The following TBCK variants were observed in gnomAD, a reference collection of about 807,000 sequenced individuals.
TBCK encodes TBC1 domain containing kinase, also known as TBC domain-containing protein kinase-like protein.
A neutral mutation model predicts 113.4 loss-of-function variants in TBCK; 99 were observed. The ratio of observed to expected loss-of-function variants is 0.87; its 90% CI spans 0.74 to 1.03. The LOEUF is 1.03. TBCK is among the 50% of genes least tolerant of loss of function. The probability of loss-of-function intolerance (pLI) is 0.00; values close to 1 mark genes in which losing one functional copy is unlikely to be tolerated. For synonymous variants in TBCK, 369 were observed against 370.8 expected (o/e 1.00, Z 0.05); for missense variants, 1,045 against 1,061.3 (o/e 0.98, Z 0.21).
intron 20 of TBCK, among the ~76,000 whole-genome samples, chr4:106,195,611 C>T (rs1754142244): frequency 6.6e-6 from 1 of 151,868 alleles, no homozygotes; most frequent in African/African-American, 2.4e-5. Flanking sequence ...CAACTGAGAG[C>T]CTGAACAAAA....
At chr4:106,268,329 A>G (rs943381207) in intron 3 of TBCK, among the ~76,000 whole-genome samples, 1 of 152,066 alleles carries the variant, frequency 6.6e-6, no homozygotes, top group Non-Finnish European at 1.5e-5. Flanking sequence ...TTATTTCTAT[A>G]TAAGCTTGTC....
intron 19 of TBCK, among the ~76,000 whole-genome samples, chr4:106,222,874 G>C (rs1055227471): frequency 1.3e-5 from 2 of 152,010 alleles, no homozygotes; most frequent in Admixed American, 6.6e-5. Flanking sequence ...TGGAAAGAAG[G>C]GGTTCAAAAG....
chr4:106,202,947 A>G (rs974726330), intron 20 of TBCK, among the ~76,000 whole-genome samples: 1 of 152,088 alleles, frequency 6.6e-6, no homozygotes, highest in African/African-American at 2.4e-5. Context: ...AATAAATGCT[A>G]TAAGTGTATG....
intron 23 of TBCK, among the ~76,000 whole-genome samples, chr4:106,139,644 A>C (rs112896797): frequency 2.1e-5 from 3 of 141,120 alleles, no homozygotes; most frequent in African/African-American, 7.5e-5. Context: ...TTTTTATGAG[A>C]TCAGAAAGGT....
intron 3 of TBCK, among the ~76,000 whole-genome samples, chr4:106,285,136 CA>C (rs2125803232): frequency 6.6e-6 from 1 of 152,164 alleles, no homozygotes. Flanking sequence ...GCAGCTGTCT[CA>C]AAATTAATTC....
chr4:106,046,643 AT>A lies in TBCK; in HGVS notation c.2608del (p.Ile870SerfsTer4). On this transcript the variant is annotated frameshift_variant, in exon 26 of 26. Transcript: ENST00000394708. LOFTEE classifies it high-confidence loss of function. The part of the protein sequence containing the change: ...AHLVKMKYPR[I>X]CILDGGINKI... ...ATTAATGCCACCATCTAGAATACAGATTCTTGGATATTTCATCTTCACAAGG... is the reference window on the plus strand; with the variant it reads ...ATTAATGCCACCATCTAGAATACAGATCTTGGATATTTCATCTTCACAAGG... 6.2e-7 allele frequency: 1 copy of A among 1,612,376 alleles called. No individual in the cohort carries two copies. Among genetic ancestry groups the A allele is most frequent in the Non-Finnish European group, 8.5e-7 (1 of 1,178,830 alleles).
intron 12 of TBCK, among the ~76,000 whole-genome samples, chr4:106,239,685 CAAA>C (rs1759875412): frequency 6.6e-6 from 1 of 151,822 alleles, no homozygotes; most frequent in South Asian, 2.1e-4. Context: ...GATTTAAAAA[CAAA>C]ATAAACAACC....
chr4:106,251,786 T>C, intron 6 of TBCK, 80 bp downstream of exon 6: 2 of 1,244,306 alleles, frequency 1.6e-6, no homozygotes, highest in South Asian at 2.5e-5. Flanking sequence ...AAACATACTA[T>C]TATTAACTTT....
At chr4:106,272,659 T>C (rs7693156) in intron 3 of TBCK, among the ~76,000 whole-genome samples, 6 of 148,724 alleles carry the variant, frequency 4.0e-5, no homozygotes, top group African/African-American at 1.5e-4. Flanking sequence ...ACCCAGCTAA[T>C]TTTTTTTTTG....
At position 106,236,716 on chromosome 4, in the gene TBCK, A is replaced by T. The variant is rs551579752; in HGVS notation, c.1220+43T>A. Reference sequence around the variant, plus strand: ...TAAAATTCTTATAAATCTAATATAAATAGAAAGAAAAATAAATCTAAAATG... The same window carrying T: ...TAAAATTCTTATAAATCTAATATAATTAGAAAGAAAAATAAATCTAAAATG... On this transcript the variant is annotated intron_variant, in intron 13 of 25. Coordinates refer to ENST00000394708, the MANE Select transcript of TBCK (RefSeq NM_001163435.3). 715 of 1,189,766 alleles carry T rather than the reference A, an allele frequency of 6.0e-4. 1 individual carries two copies. Among genetic ancestry groups the T allele is most frequent in the Non-Finnish European group, 7.7e-4 (682 of 881,532 alleles). 73.7% of individuals were successfully genotyped at this position (1,189,766 alleles called of 1,614,324 possible). A position where few individuals can be genotyped will look rare whatever the true frequency, so the allele number is the denominator to read the frequency against.
At chr4:106,168,605 C>G (rs1340792914) in intron 23 of TBCK, among the ~76,000 whole-genome samples, 1 of 151,638 alleles carries the variant, frequency 6.6e-6, no homozygotes, top group African/African-American at 2.4e-5. Flanking sequence ...AGGAACTGAG[C>G]AAAAAACTGG....
intron 3 of TBCK, among the ~76,000 whole-genome samples, chr4:106,277,072 T>C (rs1764110707): frequency 6.6e-6 from 1 of 152,054 alleles, no homozygotes; most frequent in South Asian, 2.1e-4. Flanking sequence ...TATGAATACC[T>C]AATAAGCACA....
At chr4:106,171,410 A>AC (rs1046540167) in intron 22 of TBCK, 140 bp from the exon 23 acceptor site, 10 of 629,074 alleles carry the variant, frequency 1.6e-5, no homozygotes, top group Middle Eastern at 4.3e-4. Flanking sequence ...AGTAAAAAAA[A>AC]CAATGTATAT....
intron 5 of TBCK, chr4:106,255,066 T>C (rs1405976030): frequency 3.0e-6 from 1 of 334,478 alleles, no homozygotes. Flanking sequence ...TTATTGAAAA[T>C]AGATAAGATA....
chr4:106,183,570 T>C (rs1752655013), intron 22 of TBCK, among the ~76,000 whole-genome samples: 1 of 152,088 alleles, frequency 6.6e-6, no homozygotes, highest in South Asian at 2.1e-4. Flanking sequence ...CAGTGCATAA[T>C]ACTGTGCCTG....
chr4:106,048,100 T>C (rs1218519368), intron 25 of TBCK, among the ~76,000 whole-genome samples: 1 of 152,156 alleles, frequency 6.6e-6, no homozygotes. Context: ...TTCTGCTTTA[T>C]TGATCTGGGG....
chr4:106,142,071 T>TA lies in TBCK; in HGVS notation c.2236-25694dup, dbSNP rs1467392010. On this transcript the variant is annotated intron_variant, in intron 23 of 25. Coordinates refer to ENST00000394708, the MANE Select transcript of TBCK (RefSeq NM_001163435.3). ...ATGGGTTATCCAAGAAAATAAAGATTATTTTTATTAACTAATTCAAATATC... is the reference window on the plus strand; with the variant it reads ...ATGGGTTATCCAAGAAAATAAAGATTAATTTTTATTAACTAATTCAAATATC... 5.6e-5 allele frequency among the ~76,000 whole-genome samples: 8 copies of TA among 142,106 alleles called. 2 individuals are homozygous for TA. In the South Asian group the frequency reaches 1.7e-3, roughly 30 times the overall value. The allele number at this position is 142,106 out of a possible 152,430, so 93.2% of individuals were successfully genotyped here. A position where few individuals can be genotyped will look rare whatever the true frequency, so the allele number is the denominator to read the frequency against.
At chr4:106,057,665 C>T (rs544276085) in intron 25 of TBCK, among the ~76,000 whole-genome samples, 1 of 151,812 alleles carries the variant, frequency 6.6e-6, no homozygotes, top group South Asian at 2.1e-4. Flanking sequence ...TACTGAAATC[C>T]TACCCATAGT....
chr4:106,210,649 T>G (rs1161060985), intron 20 of TBCK, among the ~76,000 whole-genome samples: 2 of 152,196 alleles, frequency 1.3e-5, no homozygotes, highest in Non-Finnish European at 2.9e-5. Context: ...CACCTTATTA[T>G]TAGCCCTTCC....
Sources: gnomAD v4.1 joint callset for allele counts (sites outside exome capture counted in the v4.1 genomes callset) on GRCh38, gnomAD v4.1.1 for gene constraint, MANE v1.5 for transcripts, NCBI Gene and HGNC (gene_info 2026-07-23, HGNC 2026-07-21) for gene names.